Variants in BEND6 observed in about 807,000 individuals in gnomAD.
BEND6 encodes the protein BEN domain-containing protein 6.
BEND6 carries 24 observed loss-of-function variants against 31.8 expected under a neutral mutation model. The ratio of observed to expected loss-of-function variants is 0.75; its 90% CI spans 0.55 to 1.06. The LOEUF is 1.06. BEND6 is among the 50% of genes least tolerant of loss of function. The pLI, the probability that BEND6 is intolerant of heterozygous loss-of-function variation, is 0.00. For synonymous variants in BEND6, 109 were observed against 114.6 expected (o/e 0.95, Z 0.31); for missense variants, 294 against 327.4 (o/e 0.90, Z 0.79).
chr6:56,963,284 G>C (rs1234526249), intron 1 of BEND6, among the ~76,000 whole-genome samples: 3 of 152,136 alleles, frequency 2.0e-5, no homozygotes, highest in Non-Finnish European at 4.4e-5. Context: ...AGGCCAACCC[G>C]ACACTCCAGC....
In BEND6 at chr6:57,011,843, G is replaced by A. The variant is rs531448060; in HGVS notation, c.299-3290G>A. 3.9e-5 allele frequency among the ~76,000 whole-genome samples: 6 copies of A among 152,034 alleles called. No individual in the cohort carries two copies. The South Asian group carries it at 1.2e-3, about 32-fold the overall frequency. ...AAAAGGAGCATTTAAAGAAGTTACA[G>A]GACCGGGCATGGTGGCTCACGCCTG... On this transcript the variant is annotated intron_variant, in intron 3 of 6. Transcript: ENST00000370746.
intron 3 of BEND6, among the ~76,000 whole-genome samples, chr6:56,997,087 T>C (rs1412333239): frequency 6.6e-6 from 1 of 152,170 alleles, no homozygotes; most frequent in Non-Finnish European, 1.5e-5. Flanking sequence ...CTTGCCTTCT[T>C]TTCTACTCTT....
rs1231824306 is a variant in BEND6, at chr6:56,969,733, GT to G, written c.-100-11966del. On this transcript the variant is annotated intron_variant, in intron 1 of 6. Transcript: ENST00000370746. ...TAGTTTCCTTAGGTTTGGTGACTTT[GT>G]TTTTTTTTTTTAGAATTTCAGAGGT... Among the ~76,000 whole-genome samples, 90 of 140,846 alleles carry G rather than the reference GT, an allele frequency of 6.4e-4. No homozygotes were observed. The Middle Eastern group carries it at 0.014, about 23-fold the overall frequency. The allele number at this position is 140,846 out of a possible 152,430, so 92.4% of individuals were successfully genotyped here.
chr6:57,014,286 A>C (rs979998024), intron 3 of BEND6, among the ~76,000 whole-genome samples: 3 of 152,248 alleles, frequency 2.0e-5, no homozygotes, highest in Non-Finnish European at 4.4e-5. Context: ...ACCGATTTGC[A>C]CATCATTAAT....
rs141089973 is a variant in BEND6 at position 56,970,532 on chromosome 6, C to A, written c.-100-11179C>A. ...TGTTCATGTTTCATCTCATCTCCTG[C>A]AACTATTAGAGAATTAATAAGATGC... On this transcript the variant is annotated intron_variant, in intron 1 of 6. Coordinates refer to ENST00000370746, the MANE Select transcript of BEND6 (RefSeq NM_152731.3). Among the ~76,000 whole-genome samples the A allele has an allele frequency of 3.5e-3, 531 of 152,216 alleles. 5 individuals are homozygous for A. The highest frequency in any genetic ancestry group is 0.012 in the African/African-American group (490 of 41,536).
chr6:57,017,549 A>G (rs1211710231), intron 5 of BEND6, 150 bp downstream of exon 5: 1 of 614,558 alleles, frequency 1.6e-6, no homozygotes, highest in Non-Finnish European at 2.3e-6. Flanking sequence ...CTCATTAAAT[A>G]TGGGAAATTT....
chr6:57,004,548 CCTCA>C (rs1177406245), intron 3 of BEND6: 1 of 813,720 alleles, frequency 1.2e-6, no homozygotes, highest in Non-Finnish European at 2.1e-6. Context: ...ACCACATGCC[CCTCA>C]CAGGTGCGCC....
At chr6:56,975,811 T>C in intron 1 of BEND6, 1 of 535,756 alleles carries the variant, frequency 1.9e-6, no homozygotes, top group South Asian at 1.5e-5. Context: ...TAATATATTG[T>C]CCATTTACTC....
At chr6:56,995,648 G>T (rs905128502) in intron 3 of BEND6, among the ~76,000 whole-genome samples, 4 of 152,010 alleles carry the variant, frequency 2.6e-5, no homozygotes, top group African/African-American at 7.2e-5. Flanking sequence ...ATCTTCACAG[G>T]ATGTTCTTGT....
At chr6:56,983,444 TCTC>T (rs140764585) in intron 2 of BEND6, among the ~76,000 whole-genome samples, 1,526 of 152,248 alleles carry the variant, frequency 0.01, 26 homozygotes, top group African/African-American at 0.035. Flanking sequence ...CTGACTTACA[TCTC>T]CTCATTTTCT....
chr6:57,023,941 TG>T (rs1827827903), intron 6 of BEND6, among the ~76,000 whole-genome samples: 1 of 152,244 alleles, frequency 6.6e-6, no homozygotes, highest in Non-Finnish European at 1.5e-5. Context: ...TGTAATTTGT[TG>T]CTTTTTATTT....
At chr6:56,978,114 CA>C (rs76466174) in intron 1 of BEND6, among the ~76,000 whole-genome samples, 143 of 141,194 alleles carry the variant, frequency 1.0e-3, no homozygotes, top group African/African-American at 2.7e-3. Context: ...AAACAAAAAA[CA>C]AAAAAAAAAA....
chr6:57,018,530 C>G lies in BEND6; in HGVS notation c.822C>G (p.Asn274Lys). The G allele has an allele frequency of 1.3e-6, 2 of 1,566,670 alleles. No individual in the cohort carries two copies. The highest frequency in any genetic ancestry group is 1.7e-6 in the Non-Finnish European group (2 of 1,163,152). Residue 274 changes from asparagine to lysine, a missense_variant, in exon 6 of 7, where the codon AAC (asparagine) becomes AAG (lysine). Physicochemically the swap from Asn to Lys is moderately conservative, Grantham distance 94. Transcript: ENST00000370746. Reference sequence around the variant, plus strand: ...AGCCAAATTTAAGCAAAAATCTTAACTCTCAGGATATTAAATAGATCCTTT... The same window carrying G: ...AGCCAAATTTAAGCAAAAATCTTAAGTCTCAGGATATTAAATAGATCCTTT... ...TKKPNLSKNL[N>K]SQDIK is the part of the protein sequence containing the mutation.
chr6:57,017,335 C>T lies in BEND6; in HGVS notation c.648C>T (p.Ser216=). 2 of 1,448,294 alleles carry T rather than the reference C, an allele frequency of 1.4e-6. No homozygotes were observed. Among genetic ancestry groups the T allele is most frequent in the Non-Finnish European group, 1.8e-6 (2 of 1,096,256 alleles). The allele number at this position is 1,448,294 out of a possible 1,614,324, so 89.7% of individuals were successfully genotyped here. A position where few individuals can be genotyped will look rare whatever the true frequency, so the allele number is the denominator to read the frequency against. The change falls in exon 5 of 7, where the codon TCC becomes TCT. Residue 216 remains serine (S), a synonymous_variant. Coordinates refer to ENST00000370746, the MANE Select transcript of BEND6 (RefSeq NM_152731.3). ...CTCACAGCCTGACAGGGGCAAAATC[C>T]TCTACTTCAAGGGACAAAGCTGTAA... ...MATHSLTGAK[S]STSRDKAVKP...
At chr6:56,991,554 G>A (rs1288802821) in intron 2 of BEND6, among the ~76,000 whole-genome samples, 2 of 151,956 alleles carry the variant, frequency 1.3e-5, no homozygotes, top group Non-Finnish European at 2.9e-5. Flanking sequence ...TAGAGACAGG[G>A]TTTCACCACA....
intron 3 of BEND6, among the ~76,000 whole-genome samples, chr6:57,013,595 C>A (rs1187369352): frequency 6.6e-6 from 1 of 152,122 alleles, no homozygotes; most frequent in African/African-American, 2.4e-5. Context: ...TGACTTGGCC[C>A]CACCGTGAGT....
chr6:57,012,862 C>T (rs1342957239), intron 3 of BEND6, among the ~76,000 whole-genome samples: 2 of 152,128 alleles, frequency 1.3e-5, no homozygotes, highest in Non-Finnish European at 1.5e-5. Context: ...TTTCTTCTTA[C>T]ATTCTAGATT....
chr6:57,025,655 C>A (rs1370128818), intron 6 of BEND6, among the ~76,000 whole-genome samples: 1 of 152,220 alleles, frequency 6.6e-6, no homozygotes, highest in East Asian at 1.9e-4. Flanking sequence ...CACTGTCCAC[C>A]TTGATCTCAC....
intron 1 of BEND6, among the ~76,000 whole-genome samples, chr6:56,962,614 GTTC>G: frequency 6.6e-6 from 1 of 152,292 alleles, no homozygotes; most frequent in Middle Eastern, 3.4e-3. Context: ...AGTGGGCACT[GTTC>G]TTTGCACACT....
Sources: allele counts gnomAD v4.1 joint callset (sites outside exome capture counted in the v4.1 genomes callset), GRCh38; gene constraint gnomAD v4.1.1; transcripts MANE v1.5; gene names NCBI Gene and HGNC (gene_info 2026-07-23, HGNC 2026-07-21).